CDH12: variants seen among roughly 807,000 people sequenced by gnomAD.
The protein encoded by CDH12 is cadherin 12, also known as cadherin-12.
CDH12 carries 41 observed loss-of-function variants against 74.1 expected under a neutral mutation model. The ratio of observed to expected loss-of-function variants is 0.55; its 90% CI spans 0.43 to 0.72. The LOEUF (loss-of-function observed/expected upper bound fraction) is 0.72, where lower values mean the gene tolerates loss of function less well. Among genes scored for constraint, CDH12 ranks in the 30% least tolerant of loss-of-function variants. CDH12 has a pLI of 0.00. For synonymous variants in CDH12, 399 were observed against 355.0 expected (o/e 1.12, Z -1.39); for missense variants, 945 against 977.2 (o/e 0.97, Z 0.44).
rs572807246 is a variant in CDH12, at chr5:22,494,311, C to G, written c.-428+10959G>C. ...AGGTGAATCGGTGTGTCTAAACGGT[C>G]CTGGTGTGAGTGGGTGTGGATGTGG... On this transcript the variant is annotated intron_variant, in intron 2 of 14. Transcript: ENST00000382254. 5.9e-5 allele frequency among the ~76,000 whole-genome samples: 9 copies of G among 152,260 alleles called. 1 individual carries two copies. The highest frequency in any genetic ancestry group is 2.6e-4 in the Admixed American group (4 of 15,282).
chr5:22,654,261 G>GTATTT (rs1739905496), intron 1 of CDH12, among the ~76,000 whole-genome samples: 1 of 130,676 alleles, frequency 7.7e-6, no homozygotes, highest in African/African-American at 2.8e-5. Flanking sequence ...TCTCTTTCTT[G>GTATTT]CTTTCTTTCT....
At chr5:22,775,874 T>C (rs1191600587) in intron 1 of CDH12, among the ~76,000 whole-genome samples, 5 of 152,026 alleles carry the variant, frequency 3.3e-5, no homozygotes, top group Non-Finnish European at 7.4e-5. Context: ...TAATTGAATT[T>C]TGGGGGCCGG....
chr5:22,394,048 T>C (rs1223427230), intron 3 of CDH12, among the ~76,000 whole-genome samples: 1 of 152,132 alleles, frequency 6.6e-6, no homozygotes, highest in Non-Finnish European at 1.5e-5. Flanking sequence ...CAGCATTTGA[T>C]GACTCAAGAG....
chr5:22,281,495 T>C (rs112752211), intron 3 of CDH12, among the ~76,000 whole-genome samples: 132 of 152,216 alleles, frequency 8.7e-4, no homozygotes, highest in African/African-American at 3.1e-3. Context: ...CAGCCCAAAA[T>C]CTCCTTAAGC....
At chr5:21,785,096 C>T (rs1579696972) in intron 10 of CDH12, among the ~76,000 whole-genome samples, 1 of 151,516 alleles carries the variant, frequency 6.6e-6, no homozygotes, top group Non-Finnish European at 1.5e-5. Context: ...AATATTATAA[C>T]AGGGTGATCT....
intron 2 of CDH12, among the ~76,000 whole-genome samples, chr5:22,456,244 A>G (rs116519593): frequency 3.3e-4 from 48 of 147,382 alleles, no homozygotes; most frequent in African/African-American, 7.3e-4. Flanking sequence ...GTCTATATAT[A>G]TGTGTGTGTG....
chr5:22,400,921 T>C (rs1183038074), intron 3 of CDH12, among the ~76,000 whole-genome samples: 1 of 152,156 alleles, frequency 6.6e-6, no homozygotes, highest in Non-Finnish European at 1.5e-5. Context: ...TTTGGGAATG[T>C]AGGCTACGTA....
intron 4 of CDH12, among the ~76,000 whole-genome samples, chr5:22,095,344 G>C (rs1363841790): frequency 1.3e-5 from 2 of 152,008 alleles, no homozygotes; most frequent in African/African-American, 2.4e-5. Context: ...GGAGACAAAG[G>C]AGACACGTTT....
intron 1 of CDH12, among the ~76,000 whole-genome samples, chr5:22,533,178 G>A (rs1356730873): frequency 6.6e-6 from 1 of 151,888 alleles, no homozygotes; most frequent in African/African-American, 2.4e-5. Context: ...ACAATGTCAG[G>A]GGACATTTTT....
At chr5:22,535,726 C>T in intron 1 of CDH12, among the ~76,000 whole-genome samples, 1 of 151,994 alleles carries the variant, frequency 6.6e-6, no homozygotes, top group Admixed American at 6.6e-5. Flanking sequence ...ATGGGATGTC[C>T]CCTAAATTTA....
chr5:22,358,709 G>A (rs1740670688), intron 3 of CDH12, among the ~76,000 whole-genome samples: 2 of 152,148 alleles, frequency 1.3e-5, no homozygotes, highest in African/African-American at 2.4e-5. Context: ...TTCATGTAGA[G>A]CTTAACTAAA....
At chr5:22,550,320 A>C (rs1468917813) in intron 1 of CDH12, among the ~76,000 whole-genome samples, 1 of 152,112 alleles carries the variant, frequency 6.6e-6, no homozygotes. Flanking sequence ...GAAACTCCTG[A>C]CTGCATTTCC....
At chr5:22,374,987 A>C (rs1741459342) in intron 3 of CDH12, among the ~76,000 whole-genome samples, 1 of 152,138 alleles carries the variant, frequency 6.6e-6, no homozygotes, top group Non-Finnish European at 1.5e-5. Context: ...AAAAGACACC[A>C]AATAGTCAAA....
rs2431902 is a variant in CDH12 at position 21,960,953 on chromosome 5, G to A, written c.526+14138C>T. ...GCAAATTATTGAGACTTATTTAATG[G>A]CCGAGACTACATAGTCCTTCATAAA... On this transcript the variant is annotated intron_variant, in intron 6 of 14. Coordinates refer to ENST00000382254, the MANE Select transcript of CDH12 (RefSeq NM_004061.5). Among the ~76,000 whole-genome samples the A allele has an allele frequency of 4.5e-3, 689 of 152,026 alleles. 8 individuals carry two copies. Among genetic ancestry groups the A allele is most frequent in the African/African-American group, 0.016 (663 of 41,478 alleles).
chr5:22,090,247 C>T (rs901419381), intron 4 of CDH12, among the ~76,000 whole-genome samples: 1 of 151,436 alleles, frequency 6.6e-6, no homozygotes, highest in African/African-American at 2.4e-5. Flanking sequence ...TAACAAATAC[C>T]ATGAACAACT....
intron 1 of CDH12, among the ~76,000 whole-genome samples, chr5:22,691,686 G>C (rs1469642709): frequency 6.6e-6 from 1 of 152,154 alleles, no homozygotes; most frequent in African/African-American, 2.4e-5. Context: ...AATCTTTTGA[G>C]ATTCACTTTT....
rs549666628 is a variant in CDH12, at chr5:22,249,144, GA to G, written c.-332-36502del. Among the ~76,000 whole-genome samples, 634 of 151,988 alleles carry G rather than the reference GA, an allele frequency of 4.2e-3. 6 individuals are homozygous for G. Among genetic ancestry groups the G allele is most frequent in the African/African-American group, 0.015 (612 of 41,442 alleles). On this transcript the variant is annotated intron_variant, in intron 3 of 14. Coordinates refer to ENST00000382254, the MANE Select transcript of CDH12 (RefSeq NM_004061.5). ...TACACACCAATATCCCTTTTAATGAGAAAAAAATGACAAAAGTATCACTGGA... is the reference window on the plus strand; with the variant it reads ...TACACACCAATATCCCTTTTAATGAGAAAAAATGACAAAAGTATCACTGGA...
chr5:21,994,943 G>A (rs1417243581), intron 5 of CDH12, among the ~76,000 whole-genome samples: 1 of 152,076 alleles, frequency 6.6e-6, no homozygotes, highest in African/African-American at 2.4e-5. Flanking sequence ...AACGGAGTGG[G>A]GTCCTCTTCT....
chr5:22,023,980 GC>G (rs1169967581), intron 5 of CDH12, among the ~76,000 whole-genome samples: 1 of 152,082 alleles, frequency 6.6e-6, no homozygotes, highest in Non-Finnish European at 1.5e-5. Flanking sequence ...CAGTCACATG[GC>G]CCCACCTAAC....
Sources: allele counts gnomAD v4.1 joint callset (sites outside exome capture counted in the v4.1 genomes callset), GRCh38; gene constraint gnomAD v4.1.1; transcripts MANE v1.5; gene names NCBI Gene and HGNC (gene_info 2026-07-23, HGNC 2026-07-21).